The following MSH3 variants were observed in gnomAD, a reference collection of about 807,000 sequenced individuals.
MSH3 encodes the protein mutS homolog 3.
MSH3 carries 106 observed loss-of-function variants against 123.3 expected under a neutral mutation model. The observed-to-expected ratio is 0.86, with a 90% confidence interval of 0.73 to 1.01. MSH3 has a LOEUF of 1.01. Among genes scored for constraint, MSH3 ranks in the 50% least tolerant of loss-of-function variants. The probability of loss-of-function intolerance (pLI) is 0.00; values close to 1 mark genes in which losing one functional copy is unlikely to be tolerated. For synonymous variants in MSH3, 515 were observed against 481.4 expected (o/e 1.07, Z -0.91); for missense variants, 1,459 against 1,347.6 (o/e 1.08, Z -1.29).
intron 8 of MSH3, among the ~76,000 whole-genome samples, chr5:80,697,017 C>A (rs940440279): frequency 3.3e-5 from 5 of 152,148 alleles, no homozygotes; most frequent in Admixed American, 6.5e-5. Flanking sequence ...GGGGAAAATT[C>A]TATCCCTTTT....
At chr5:80,710,307 A>G (rs974467613) in intron 8 of MSH3, among the ~76,000 whole-genome samples, 1 of 152,222 alleles carries the variant, frequency 6.6e-6, no homozygotes, top group African/African-American at 2.4e-5. Context: ...AAAGCACACT[A>G]TGTCATACAG....
chr5:80,855,156 C>G (rs1745894962), intron 21 of MSH3, among the ~76,000 whole-genome samples: 1 of 152,004 alleles, frequency 6.6e-6, no homozygotes, highest in Non-Finnish European at 1.5e-5. Flanking sequence ...AGTTTACTTT[C>G]TCTATCTTGT....
At chr5:80,711,046 C>G (rs554397269) in intron 8 of MSH3, among the ~76,000 whole-genome samples, 34 of 152,140 alleles carry the variant, frequency 2.2e-4, no homozygotes, top group African/African-American at 8.2e-4. Context: ...AAACCAAAAC[C>G]AACCATTACA....
intron 19 of MSH3, among the ~76,000 whole-genome samples, chr5:80,802,825 T>C (rs143201796): frequency 1.2e-3 from 185 of 152,302 alleles, no homozygotes; most frequent in African/African-American, 4.3e-3. Context: ...ACATGCAAAG[T>C]TTATCACTTT....
intron 17 of MSH3, among the ~76,000 whole-genome samples, chr5:80,785,228 G>A (rs377311125): frequency 1.3e-5 from 2 of 152,114 alleles, no homozygotes; most frequent in South Asian, 2.1e-4. Context: ...TCTTTTTCAC[G>A]TTTTTGGATC....
At chr5:80,716,516 C>G (rs1315356168) in intron 8 of MSH3, among the ~76,000 whole-genome samples, 1 of 152,018 alleles carries the variant, frequency 6.6e-6, no homozygotes, top group Admixed American at 6.6e-5. Flanking sequence ...CCTCCTGCCA[C>G]AGCCTCCTGA....
In MSH3 at chr5:80,778,775, C is replaced by T. The variant is rs961327841; in HGVS notation, c.2374C>T (p.Leu792=). Residue 792 remains leucine, a synonymous_variant, in exon 17 of 24, where the codon CTG becomes TTG. Transcript: ENST00000265081. The stretch of plus-strand genomic sequence containing the variant: ...TTTTATTGTAGAAAATTACAGACAT[C>T]TGAATCAGCTCCGGGAGCAGCTAGT... ...SPFIVENYRH[L]NQLREQLVLD... is the part of the protein sequence containing the mutation. The T allele has an allele frequency of 6.2e-7, 1 of 1,613,342 alleles. No individual in the cohort carries two copies. Among genetic ancestry groups the T allele is most frequent in the African/African-American group, 1.3e-5 (1 of 74,912 alleles).
chr5:80,734,455 TATATC>T (rs1386811629), intron 10 of MSH3, among the ~76,000 whole-genome samples: 1 of 152,364 alleles, frequency 6.6e-6, no homozygotes, highest in East Asian at 1.9e-4. Context: ...GTGTGTGAAT[TATATC>T]AATAAAGTTG....
At chr5:80,685,791 C>T (rs1379062858) in intron 8 of MSH3, among the ~76,000 whole-genome samples, 1 of 151,918 alleles carries the variant, frequency 6.6e-6, no homozygotes, top group Non-Finnish European at 1.5e-5. Flanking sequence ...GTGCTTTTAG[C>T]TATAAACTTC....
At chr5:80,744,044 A>G (rs958432765) in intron 11 of MSH3, among the ~76,000 whole-genome samples, 9 of 152,164 alleles carry the variant, frequency 5.9e-5, no homozygotes, top group South Asian at 2.1e-4. Flanking sequence ...AGTAAAACAA[A>G]CTAAAATAAA....
At chr5:80,837,360 C>T (rs1370484663) in intron 20 of MSH3, among the ~76,000 whole-genome samples, 2 of 152,124 alleles carry the variant, frequency 1.3e-5, no homozygotes, top group African/African-American at 4.8e-5. Context: ...AGGAGGATCA[C>T]TTGAGCTCAC....
intron 8 of MSH3, among the ~76,000 whole-genome samples, chr5:80,711,711 A>G (rs964929501): frequency 6.6e-6 from 1 of 151,616 alleles, no homozygotes; most frequent in African/African-American, 2.4e-5. Context: ...CTGGAGTACA[A>G]TGGTGTCATC....
At chr5:80,665,760 T>A (rs191923717) in intron 3 of MSH3, among the ~76,000 whole-genome samples, 1 of 152,350 alleles carries the variant, frequency 6.6e-6, no homozygotes, top group East Asian at 1.9e-4. Flanking sequence ...AGTTGAAAGC[T>A]TGATAGATAG....
chr5:80,695,635 A>G (rs528520541), intron 8 of MSH3, among the ~76,000 whole-genome samples: 55 of 152,062 alleles, frequency 3.6e-4, no homozygotes, highest in Non-Finnish European at 6.3e-4. Context: ...TGTCCGGCCC[A>G]TTTTTTTGTT....
chr5:80,780,683 A>G (rs1407035745), intron 17 of MSH3, among the ~76,000 whole-genome samples: 2 of 152,218 alleles, frequency 1.3e-5, no homozygotes, highest in Admixed American at 6.5e-5. Flanking sequence ...CCTGGCCAAG[A>G]TGGTGAAACC....
intron 20 of MSH3, among the ~76,000 whole-genome samples, chr5:80,845,773 G>A (rs917913961): frequency 4.6e-5 from 7 of 152,036 alleles, no homozygotes; most frequent in Admixed American, 3.9e-4. Flanking sequence ...AGGTCTTCTC[G>A]ACACTGTTTA....
At chr5:80,861,324 TTAAG>T (rs1746010221) in intron 21 of MSH3, among the ~76,000 whole-genome samples, 1 of 152,164 alleles carries the variant, frequency 6.6e-6, no homozygotes, top group Non-Finnish European at 1.5e-5. Flanking sequence ...AGTCCTATGA[TTAAG>T]TCTCAGTCTT....
In MSH3 at chr5:80,658,572, A is replaced by G. The variant is rs138758045; in HGVS notation, c.358+2041A>G. Among the ~76,000 whole-genome samples, 80 of 152,182 alleles carry G rather than the reference A, an allele frequency of 5.3e-4. 3 individuals are homozygous for G. The East Asian group carries it at 0.015, about 28-fold the overall frequency. ...AGGGGGAGGATCATTCACTAGTCAG[A>G]AGCTGGGTGACTGTTCCACTTCAGT... is the stretch of plus-strand genomic sequence containing the variant. On this transcript the variant is annotated intron_variant, in intron 2 of 23. Transcript: ENST00000265081.
intron 4 of MSH3, among the ~76,000 whole-genome samples, chr5:80,671,221 A>G (rs1338304275): frequency 6.6e-6 from 1 of 152,212 alleles, no homozygotes; most frequent in East Asian, 1.9e-4. Context: ...TTCATAGGCA[A>G]ACTTAGGGAA....
Sources: gnomAD v4.1 joint callset for allele counts (sites outside exome capture counted in the v4.1 genomes callset) on GRCh38, gnomAD v4.1.1 for gene constraint, MANE v1.5 for transcripts, NCBI Gene and HGNC (gene_info 2026-07-23, HGNC 2026-07-21) for gene names.